Variants in SMYD3 observed in about 807,000 individuals in gnomAD.
The protein encoded by SMYD3 is histone-lysine N-methyltransferase SMYD3.
SMYD3 carries 36 observed loss-of-function variants against 57.7 expected under a neutral mutation model. The ratio of observed to expected loss-of-function variants is 0.62; its 90% CI spans 0.48 to 0.82. SMYD3 has a LOEUF of 0.82. SMYD3 is among the 40% of genes least tolerant of loss of function. The pLI is 0.00. For synonymous variants in SMYD3, 211 were observed against 195.0 expected (o/e 1.08, Z -0.68); for missense variants, 515 against 538.8 (o/e 0.96, Z 0.44).
intron 1 of SMYD3, among the ~76,000 whole-genome samples, chr1:246,375,097 A>C (rs2066253534): frequency 6.6e-6 from 1 of 152,130 alleles, no homozygotes; most frequent in African/African-American, 2.4e-5. Flanking sequence ...CGTAGCAAAA[A>C]TTAAAAAAAA....
chr1:245,792,508 T>C (rs1020401249), intron 10 of SMYD3, among the ~76,000 whole-genome samples: 2 of 152,226 alleles, frequency 1.3e-5, no homozygotes, highest in African/African-American at 4.8e-5. Flanking sequence ...ATGGGCAAGA[T>C]TCTGATCACT....
chr1:246,233,017 T>A (rs1157845777), intron 5 of SMYD3, among the ~76,000 whole-genome samples: 1 of 134,756 alleles, frequency 7.4e-6, no homozygotes, highest in African/African-American at 2.7e-5. Context: ...CAATTCACAC[T>A]GTGATGAACA....
At chr1:246,498,595 A>G (rs7513484) in intron 1 of SMYD3, among the ~76,000 whole-genome samples, 81,168 of 151,624 alleles carry the variant, frequency 0.54, 22,641 homozygotes, top group Middle Eastern at 0.68. Context: ...GCCAGGCGTG[A>G]TGGCGGGTGC....
intron 5 of SMYD3, among the ~76,000 whole-genome samples, chr1:246,236,682 T>C (rs2063517297): frequency 1.3e-5 from 2 of 152,028 alleles, no homozygotes; most frequent in South Asian, 4.1e-4. Flanking sequence ...CCAAAGTTTT[T>C]TTATTTTTCT....
chr1:246,015,644 T>C (rs773406266), intron 5 of SMYD3, among the ~76,000 whole-genome samples: 2 of 152,182 alleles, frequency 1.3e-5, no homozygotes, highest in Non-Finnish European at 2.9e-5. Context: ...ATTCCGTCTC[T>C]ATGAATTTCA....
rs570785200 is a variant in SMYD3 at position 246,384,679 on chromosome 1, G to A, written c.165-29585C>T. Among the ~76,000 whole-genome samples the A allele has an allele frequency of 3.3e-5, 5 of 152,284 alleles. No homozygotes were observed. In the South Asian group the frequency reaches 1.0e-3, roughly 32 times the overall value. The stretch of plus-strand genomic sequence containing the variant: ...CCCAAAGTGCTGAGATTACAGGCGT[G>A]AGCCACTGCACCTGGTCTAAAAATA... On this transcript the variant is annotated intron_variant, in intron 1 of 11. Coordinates refer to ENST00000490107, the MANE Select transcript of SMYD3 (RefSeq NM_001167740.2).
At chr1:245,956,791 C>T (rs1388410439) in intron 5 of SMYD3, among the ~76,000 whole-genome samples, 1 of 152,222 alleles carries the variant, frequency 6.6e-6, no homozygotes, top group Non-Finnish European at 1.5e-5. Context: ...AAGTCATCTT[C>T]CAGCAACTTC....
intron 5 of SMYD3, among the ~76,000 whole-genome samples, chr1:246,303,677 G>A (rs1478741961): frequency 1.3e-5 from 2 of 152,148 alleles, no homozygotes; most frequent in African/African-American, 4.8e-5. Flanking sequence ...ATAGAAAAAT[G>A]TGTACAGCGA....
chr1:245,756,506 G>A (rs145864876), intron 11 of SMYD3, among the ~76,000 whole-genome samples: 28 of 152,004 alleles, frequency 1.8e-4, no homozygotes, highest in African/African-American at 6.7e-4. Context: ...TTTCTGTTTA[G>A]AGAACTTCTT....
intron 1 of SMYD3, among the ~76,000 whole-genome samples, chr1:246,441,943 T>C (rs1243425433): frequency 1.3e-5 from 2 of 152,232 alleles, no homozygotes; most frequent in African/African-American, 4.8e-5. Flanking sequence ...GATGTTCATG[T>C]ATCTATTCAT....
chr1:246,018,837 C>T (rs1040681320), intron 5 of SMYD3, among the ~76,000 whole-genome samples: 6 of 151,602 alleles, frequency 4.0e-5, no homozygotes, highest in African/African-American at 1.5e-4. Flanking sequence ...CTCCTGTGCT[C>T]AAGCAATCCT....
rs71299006 is a variant in SMYD3 at position 246,273,135 on chromosome 1, C to CTTTTTTTTTTTTTTTTTTTT, written c.531+54065_531+54066insAAAAAAAAAAAAAAAAAAAA. Among the ~76,000 whole-genome samples the CTTTTTTTTTTTTTTTTTTTT allele has an allele frequency of 1.7e-4, 18 of 107,604 alleles. 1 individual carries two copies. The highest frequency in any genetic ancestry group is 4.0e-4 in the African/African-American group (11 of 27,360). 70.6% of individuals were successfully genotyped at this position (107,604 alleles called of 152,430 possible). On this transcript the variant is annotated intron_variant, in intron 5 of 11. Coordinates refer to ENST00000490107, the MANE Select transcript of SMYD3 (RefSeq NM_001167740.2). Reference sequence around the variant, plus strand: ...TGATTCATAATAATGTCCCTGTTTTCTTTTTTTTTTTTTTTTTCTTTTTTT... The same window carrying CTTTTTTTTTTTTTTTTTTTT: ...TGATTCATAATAATGTCCCTGTTTTCTTTTTTTTTTTTTTTTTTTTTTTTTTTTTTTTTTTTTCTTTTTTT...
chr1:246,022,847 T>C (rs183264052), intron 5 of SMYD3, among the ~76,000 whole-genome samples: 29 of 152,288 alleles, frequency 1.9e-4, no homozygotes, highest in African/African-American at 6.7e-4. Flanking sequence ...GGTGCCAGGG[T>C]AATACCACCT....
intron 1 of SMYD3, among the ~76,000 whole-genome samples, chr1:246,372,733 G>A (rs1428744945): frequency 3.3e-5 from 5 of 152,190 alleles, no homozygotes; most frequent in African/African-American, 9.7e-5. Context: ...GCTCACGCCC[G>A]TAATCCAAGG....
At chr1:246,238,999 C>T (rs72774488) in intron 5 of SMYD3, among the ~76,000 whole-genome samples, 31,409 of 150,142 alleles carry the variant, frequency 0.21, 3,974 homozygotes, top group East Asian at 0.58. Flanking sequence ...ACAACGTTTT[C>T]GGTGGATAGT....
intron 5 of SMYD3, chr1:246,326,524 AG>A (rs2065353310): frequency 1.9e-6 from 1 of 524,524 alleles, no homozygotes; most frequent in Non-Finnish European, 3.3e-6. Context: ...CTGTAATCCC[AG>A]CACTTTGGGA....
intron 1 of SMYD3, among the ~76,000 whole-genome samples, chr1:246,461,353 A>G (rs1197760171): frequency 1.3e-5 from 2 of 152,216 alleles, no homozygotes; most frequent in African/African-American, 4.8e-5. Context: ...ATTATGCAGA[A>G]CACTACATAT....
At chr1:246,284,502 C>T (rs1001975021) in intron 5 of SMYD3, among the ~76,000 whole-genome samples, 2 of 151,652 alleles carry the variant, frequency 1.3e-5, no homozygotes, top group East Asian at 1.9e-4. Context: ...CTGCAAGCTC[C>T]GCCTCCTGGG....
chr1:246,361,984 C>T (rs571471606), intron 1 of SMYD3, among the ~76,000 whole-genome samples: 41 of 152,248 alleles, frequency 2.7e-4, no homozygotes, highest in African/African-American at 9.4e-4. Context: ...AAAATAATAA[C>T]GCATGGCCCT....
Sources: gnomAD v4.1 joint callset for allele counts (sites outside exome capture counted in the v4.1 genomes callset) on GRCh38, gnomAD v4.1.1 for gene constraint, MANE v1.5 for transcripts, NCBI Gene and HGNC (gene_info 2026-07-23, HGNC 2026-07-21) for gene names.